Variants in IFIT1 observed in about 807,000 individuals in gnomAD.
IFIT1 encodes the protein antiviral innate immune response effector IFIT1.
In IFIT1, 1 loss-of-function variant was observed where a neutral mutation model predicts 2.5. That is an observed-to-expected ratio of 0.40 (90% CI 0.14 to 1.92). The LOEUF (loss-of-function observed/expected upper bound fraction) is 1.92. Ranked by LOEUF, IFIT1 falls within the 40% of genes most tolerant of loss-of-function variation. The probability of loss-of-function intolerance (pLI) is 0.31; values close to 1 mark genes in which losing one functional copy is unlikely to be tolerated. For synonymous variants in IFIT1, 191 were observed against 201.7 expected, an observed-to-expected ratio of 0.95 and a Z score of 0.45; for missense variants, 508 against 557.8, an observed-to-expected ratio of 0.91 and a Z score of 0.90.
chr10:89,400,836 C>A (rs1175425435), intron 1 of IFIT1, among the ~76,000 whole-genome samples: 2 of 152,176 alleles, frequency 1.3e-5, no homozygotes, highest in Non-Finnish European at 2.9e-5. Context: ...TTACCTCATT[C>A]CTGATCGTGG....
In IFIT1 at chr10:89,403,512, T is replaced by G. The variant is rs781471256; in HGVS notation, c.1237T>G (p.Leu413Val). 1 of 1,613,192 alleles carries G rather than the reference T, an allele frequency of 6.2e-7. No individual in the cohort carries two copies. ...AGCTATAAAAATAGAACAGGCATCATTAACAAGGGATAAAAGTATCAATTC... is the reference window on the plus strand; with the variant it reads ...AGCTATAAAAATAGAACAGGCATCAGTAACAAGGGATAAAAGTATCAATTC... The part of the protein sequence containing the change: ...LKAIKIEQAS[L>V]TRDKSINSLK... The change falls in exon 2 of 2, where the codon TTA becomes GTA. Residue 413 changes from leucine to valine, a missense_variant. Coordinates refer to ENST00000371804, the MANE Select transcript of IFIT1 (RefSeq NM_001548.5).
intron 1 of IFIT1, among the ~76,000 whole-genome samples, chr10:89,394,610 AT>A (rs1181192364): frequency 3.5e-4 from 7 of 19,732 alleles, no homozygotes; most frequent in Admixed American, 2.1e-3. Context: ...ATATATATAT[AT>A]ATATATATAT....
rs1056574311 is a variant in IFIT1 at position 89,403,906 on chromosome 10, G to T, written c.*194G>T. On this transcript the variant is annotated 3_prime_UTR_variant, in exon 2 of 2. Transcript: ENST00000371804. The stretch of plus-strand genomic sequence containing the variant: ...AATGTGTGTATGCATGTAAGAAAGA[G>T]AAATCATTTGTATGAGTGCTATGTA... 10 of 498,346 alleles carry T rather than the reference G, an allele frequency of 2.0e-5. No individual in the cohort carries two copies. In the South Asian group the frequency reaches 2.5e-4, roughly 13 times the overall value. 30.9% of individuals were successfully genotyped at this position (498,346 alleles called of 1,614,324 possible).
rs890472167 is a variant in IFIT1 at position 89,406,275 on chromosome 10, C to A, written c.*2563C>A. 1 of 152,202 alleles carries A rather than the reference C, an allele frequency of 6.6e-6. No individual in the cohort carries two copies. Among genetic ancestry groups the A allele is most frequent in the African/African-American group, 2.4e-5 (1 of 41,398 alleles). The allele number at this position is 152,202 out of a possible 1,614,324, so 9.4% of individuals were successfully genotyped here. On this transcript the variant is annotated 3_prime_UTR_variant, in exon 2 of 2. Coordinates refer to ENST00000371804, the MANE Select transcript of IFIT1 (RefSeq NM_001548.5). ...GTGGGGACTTGGAGAACTTTTCTGT[C>A]TAGCTAAAGTATTGTAAAATGGACC...
At chr10:89,400,058 G>C (rs1844400499) in intron 1 of IFIT1, among the ~76,000 whole-genome samples, 1 of 152,186 alleles carries the variant, frequency 6.6e-6, no homozygotes, top group African/African-American at 2.4e-5. Context: ...ATTGAGTTAT[G>C]ACATTCTGAG....
chr10:89,393,492 G>A (rs1844288923), intron 1 of IFIT1, among the ~76,000 whole-genome samples: 1 of 152,176 alleles, frequency 6.6e-6, no homozygotes, highest in Non-Finnish European at 1.5e-5. Context: ...CAGCACTTTG[G>A]GAGGCCAAGG....
At chr10:89,398,319 G>A (rs1036044792) in intron 1 of IFIT1, among the ~76,000 whole-genome samples, 2 of 152,202 alleles carry the variant, frequency 1.3e-5, no homozygotes, top group Non-Finnish European at 2.9e-5. Context: ...CCACATGCGT[G>A]ATGTTCCCTG....
Position 89,403,043 on chromosome 10 carries a change from T to C in IFIT1, c.768T>C (p.Tyr256=), listed in dbSNP as rs1453545786. The part of the protein sequence containing the change: ...NMSSQTYVFR[Y]AAKFYRRKGS... ...CCTCACAGACCTATGTCTTTCGATATGCAGCCAAGTTTTACCGAAGAAAAG... is the reference window on the plus strand; with the variant it reads ...CCTCACAGACCTATGTCTTTCGATACGCAGCCAAGTTTTACCGAAGAAAAG... Residue 256 remains tyrosine (Y), a synonymous_variant, in exon 2 of 2, where the codon TAT becomes TAC. Transcript: ENST00000371804. 1.2e-6 allele frequency: 2 copies of C among 1,614,258 alleles called. No homozygotes were observed. The highest frequency in any genetic ancestry group is 4.5e-5 in the East Asian group (2 of 44,896).
intron 1 of IFIT1, among the ~76,000 whole-genome samples, chr10:89,401,179 C>T (rs1354085699): frequency 2.0e-5 from 3 of 151,040 alleles, no homozygotes; most frequent in Admixed American, 6.6e-5. Flanking sequence ...TGCAGTGGCG[C>T]GATCTCAGCT....
At chr10:89,399,967 T>C (rs1037054462) in intron 1 of IFIT1, among the ~76,000 whole-genome samples, 3 of 152,282 alleles carry the variant, frequency 2.0e-5, no homozygotes, top group East Asian at 1.9e-4. Flanking sequence ...ACCAAATTGG[T>C]TGTCACCTTC....
intron 1 of IFIT1, among the ~76,000 whole-genome samples, chr10:89,397,417 A>G (rs1185585520): frequency 6.6e-6 from 1 of 151,780 alleles, no homozygotes; most frequent in Non-Finnish European, 1.5e-5. Flanking sequence ...CTTGAAGGCC[A>G]TAATAATACA....
At chr10:89,400,790 A>C (rs1337918383) in intron 1 of IFIT1, among the ~76,000 whole-genome samples, 1 of 152,162 alleles carries the variant, frequency 6.6e-6, no homozygotes, top group Non-Finnish European at 1.5e-5. Context: ...TAGAATTTCC[A>C]GTACCATGTT....
At chr10:89,394,588 A>ATATATATATATTT (rs1844307745) in intron 1 of IFIT1, among the ~76,000 whole-genome samples, 12 of 21,624 alleles carry the variant, frequency 5.5e-4, no homozygotes, top group African/African-American at 3.6e-3. Context: ...ATATATATAT[A>ATATATATATATTT]TATATATATA....
At position 89,402,725 on chromosome 10, in the gene IFIT1, G is replaced by A. The variant is rs764732718; in HGVS notation, c.450G>A (p.Leu150=). Residue 150 remains leucine (L), a synonymous_variant, in exon 2 of 2, where the codon CTG becomes CTA. Transcript: ENST00000371804. ...EIDCEEGWAL[L]KCGGKNYERA... Reference sequence around the variant, plus strand: ...ACTGTGAGGAAGGATGGGCCTTGCTGAAGTGTGGAGGAAAAAATTATGAAC... The same window carrying A: ...ACTGTGAGGAAGGATGGGCCTTGCTAAAGTGTGGAGGAAAAAATTATGAAC... The A allele has an allele frequency of 6.2e-7, 1 of 1,614,224 alleles. No individual in the cohort carries two copies. Among genetic ancestry groups the A allele is most frequent in the Non-Finnish European group, 8.5e-7 (1 of 1,180,032 alleles).
chr10:89,399,661 T>G (rs1417522952), intron 1 of IFIT1, among the ~76,000 whole-genome samples: 4 of 152,220 alleles, frequency 2.6e-5, no homozygotes, highest in Non-Finnish European at 4.4e-5. Context: ...TCATTCTTAT[T>G]GAAAATCATT....
At position 89,403,913 on chromosome 10, in the gene IFIT1, T is replaced by C. The variant is rs1212003556; in HGVS notation, c.*201T>C. On this transcript the variant is annotated 3_prime_UTR_variant, in exon 2 of 2. Coordinates refer to ENST00000371804, the MANE Select transcript of IFIT1 (RefSeq NM_001548.5). The stretch of plus-strand genomic sequence containing the variant: ...GTATGCATGTAAGAAAGAGAAATCA[T>C]TTGTATGAGTGCTATGTAGTAGAGA... 2.0e-6 allele frequency: 1 copy of C among 499,292 alleles called. No homozygotes were observed. Among genetic ancestry groups the C allele is most frequent in the Non-Finnish European group, 3.5e-6 (1 of 285,966 alleles). 30.9% of individuals were successfully genotyped at this position (499,292 alleles called of 1,614,324 possible).
chr10:89,402,003 C>T (rs1187255699), intron 1 of IFIT1, among the ~76,000 whole-genome samples: 1 of 152,132 alleles, frequency 6.6e-6, no homozygotes, highest in East Asian at 1.9e-4. Flanking sequence ...TTAATCCTCA[C>T]CAAACCCAGT....
At position 89,404,205 on chromosome 10, in the gene IFIT1, CAAA is replaced by C. The variant is rs1844492622; in HGVS notation, c.*494_*496del. The C allele has an allele frequency of 6.6e-6, 1 of 152,534 alleles. No homozygotes were observed. The highest frequency in any genetic ancestry group is 2.4e-5 in the African/African-American group (1 of 41,434). 9.4% of individuals were successfully genotyped at this position (152,534 alleles called of 1,614,324 possible). On this transcript the variant is annotated 3_prime_UTR_variant, in exon 2 of 2. Transcript: ENST00000371804. ...GAGTTAAACAGAAACCCATGGAAAA[CAAA>C]GAACAGAAGACTCACTCCTTGGCTG...
At chr10:89,394,610 A>G (rs1251776260) in intron 1 of IFIT1, among the ~76,000 whole-genome samples, 1 of 19,726 alleles carries the variant, frequency 5.1e-5, no homozygotes, top group African/African-American at 3.4e-4. Flanking sequence ...ATATATATAT[A>G]TATATATATA....
Sources: gnomAD v4.1 joint callset for allele counts (sites outside exome capture counted in the v4.1 genomes callset) on GRCh38, gnomAD v4.1.1 for gene constraint, MANE v1.5 for transcripts, NCBI Gene and HGNC (gene_info 2026-07-23, HGNC 2026-07-21) for gene names.